Variants in DGKB observed in about 807,000 individuals in gnomAD.
DGKB encodes diacylglycerol kinase beta, also known as 90 kDa diacylglycerol kinase.
Under a neutral mutation model 114.3 loss-of-function variants are expected in DGKB, and 67 were observed. The observed-to-expected ratio is 0.59, with a 90% CI of 0.48 to 0.72. The LOEUF (loss-of-function observed/expected upper bound fraction) is 0.72. DGKB is among the 30% of genes least tolerant of loss of function. DGKB has a pLI of 0.00. For synonymous variants in DGKB, 398 were observed against 323.1 expected (o/e 1.23, Z -2.49); for missense variants, 907 against 975.2 (o/e 0.93, Z 0.93).
chr7:14,338,551 C>T lies in DGKB; in HGVS notation c.2086G>A (p.Val696Ile), dbSNP rs1424437545. ...EKKGSDKRTT[V>I]TDAKELKFAS... Reference sequence around the variant, plus strand: ...AACTTCAACTCTTTGGCATCTGTGACGGTGGTCCTTTTGTCAGACCCTTTT... The same window carrying T: ...AACTTCAACTCTTTGGCATCTGTGATGGTGGTCCTTTTGTCAGACCCTTTT... The change falls in exon 23 of 26, where the codon GTC becomes ATC. Residue 696 changes from valine to isoleucine, a missense_variant. By Grantham distance (29) the Val-to-Ile change is conservative. Transcript: ENST00000402815. The T allele has an allele frequency of 1.3e-6, 2 of 1,593,548 alleles. No homozygotes were observed. Among genetic ancestry groups the T allele is most frequent in the Admixed American group, 1.8e-5 (1 of 56,800 alleles).
chr7:14,698,466 A>C (rs1268850512), intron 7 of DGKB, among the ~76,000 whole-genome samples: 3 of 152,146 alleles, frequency 2.0e-5, no homozygotes, highest in African/African-American at 7.2e-5. Context: ...AGCAGGACCA[A>C]ATACATACTG....
chr7:14,523,779 G>GA (rs1264466715), intron 20 of DGKB, among the ~76,000 whole-genome samples: 1 of 152,110 alleles, frequency 6.6e-6, no homozygotes, highest in African/African-American at 2.4e-5. Context: ...TGTTGTAGTA[G>GA]AAAGAGCTTA....
rs1247769839 is a variant in DGKB at position 14,449,846 on chromosome 7, A to G, written c.1835+28315T>C. The stretch of plus-strand genomic sequence containing the variant: ...CATTGTCTCTTGTATCAAAATGTTC[A>G]GCCAACCCAGTTAGGTATTCTGATT... On this transcript the variant is annotated intron_variant, in intron 21 of 25. Transcript: ENST00000402815. Among the ~76,000 whole-genome samples the G allele has an allele frequency of 2.6e-5, 4 of 152,224 alleles. No homozygotes were observed. The East Asian group carries it at 7.7e-4, about 29-fold the overall frequency.
chr7:14,797,843 G>A (rs1841614069), intron 2 of DGKB, among the ~76,000 whole-genome samples: 1 of 152,046 alleles, frequency 6.6e-6, no homozygotes, highest in Non-Finnish European at 1.5e-5. Flanking sequence ...AGGAAGGAGG[G>A]TTACAGCTAT....
intron 1 of DGKB, among the ~76,000 whole-genome samples, chr7:14,918,563 T>C (rs1784351822): frequency 6.6e-6 from 1 of 152,060 alleles, no homozygotes; most frequent in South Asian, 2.1e-4. Context: ...ACAAAATATA[T>C]ACAGGATGTA....
chr7:14,916,154 T>G (rs181626011), intron 1 of DGKB, among the ~76,000 whole-genome samples: 30 of 152,062 alleles, frequency 2.0e-4, no homozygotes, highest in African/African-American at 6.7e-4. Flanking sequence ...TAGCTGCCAA[T>G]ACATATTGCA....
chr7:14,847,580 T>A (rs1848811489), intron 1 of DGKB, among the ~76,000 whole-genome samples: 1 of 152,364 alleles, frequency 6.6e-6, no homozygotes, highest in African/African-American at 2.4e-5. Context: ...GGGGATGTAG[T>A]GTTATGCTAA....
At chr7:14,182,338 ATC>A (rs1782752420) in intron 23 of DGKB, among the ~76,000 whole-genome samples, 1 of 142,828 alleles carries the variant, frequency 7.0e-6, no homozygotes, top group Non-Finnish European at 1.5e-5. Flanking sequence ...AAGCATATAT[ATC>A]TCTAAATCAA....
intron 5 of DGKB, among the ~76,000 whole-genome samples, chr7:14,723,770 C>G (rs1206906070): frequency 6.6e-6 from 1 of 152,114 alleles, no homozygotes; most frequent in African/African-American, 2.4e-5. Context: ...CATACACATT[C>G]TTTTCTTCAA....
At chr7:14,173,940 T>C (rs1290273767) in intron 25 of DGKB, among the ~76,000 whole-genome samples, 2 of 152,196 alleles carry the variant, frequency 1.3e-5, no homozygotes, top group Non-Finnish European at 1.5e-5. Context: ...TAAGTCATGA[T>C]AGTTAACAGG....
chr7:14,379,055 A>G (rs1207484825), intron 21 of DGKB, among the ~76,000 whole-genome samples: 1 of 136,492 alleles, frequency 7.3e-6, no homozygotes, highest in Non-Finnish European at 1.6e-5. Flanking sequence ...TTTTTTTTTC[A>G]GTTTTTACCA....
intron 15 of DGKB, among the ~76,000 whole-genome samples, chr7:14,616,624 T>C (rs1332749967): frequency 5.9e-5 from 9 of 151,798 alleles, no homozygotes; most frequent in African/African-American, 9.7e-5. Context: ...TACATATATT[T>C]ATACAGCATT....
intron 23 of DGKB, among the ~76,000 whole-genome samples, chr7:14,213,970 C>T (rs563433645): frequency 1.3e-3 from 203 of 151,880 alleles, no homozygotes; most frequent in Non-Finnish European, 2.3e-3. Flanking sequence ...TTACATGTTG[C>T]GTTCTCTCTC....
At chr7:14,944,474 G>A (rs1042185212) in intron 1 of DGKB, among the ~76,000 whole-genome samples, 8 of 151,862 alleles carry the variant, frequency 5.3e-5, no homozygotes, top group Admixed American at 4.6e-4. Flanking sequence ...AATCACATTT[G>A]CCTTTACAAT....
chr7:14,630,250 C>G lies in DGKB; in HGVS notation c.1153G>C (p.Val385Leu). 2 of 1,559,114 alleles carry G rather than the reference C, an allele frequency of 1.3e-6. No homozygotes were observed. Among genetic ancestry groups the G allele is most frequent in the South Asian group, 1.2e-5 (1 of 83,306 alleles). The change falls in exon 14 of 26, where the codon GTT becomes CTT. Residue 385 changes from valine (V) to leucine (L), a missense_variant. Around this residue, in one of 3 missense-constraint regions of DGKB, gnomAD observed 814 missense variants for 856.6 expected, o/e 0.95. Coordinates refer to ENST00000402815, the MANE Select transcript of DGKB (RefSeq NM_001350709.2). The stretch of plus-strand genomic sequence containing the variant: ...TGCTTACGCACCTCAGGAACTGAAA[C>G]TCCTGAAGTGGGCAGAGTCTGCTGA... The part of the protein sequence containing the change: ...PVVLTLPTSG[V>L]SVPEERQSTV...
At chr7:14,682,919 C>A (rs949456769) in intron 10 of DGKB, 78 bp from the exon 11 acceptor site, 1 of 987,092 alleles carries the variant, frequency 1.0e-6, no homozygotes, top group African/African-American at 1.6e-5. Flanking sequence ...ATGACATTAA[C>A]AGAACCTCAT....
chr7:14,639,797 A>T (rs1344576722), intron 13 of DGKB, among the ~76,000 whole-genome samples: 1 of 152,102 alleles, frequency 6.6e-6, no homozygotes, highest in Non-Finnish European at 1.5e-5. Context: ...TTCTCCCTCC[A>T]TAAATCACAC....
At chr7:14,474,075 A>T (rs1204551320) in intron 21 of DGKB, among the ~76,000 whole-genome samples, 5 of 152,158 alleles carry the variant, frequency 3.3e-5, no homozygotes, top group African/African-American at 1.2e-4. Flanking sequence ...ATATGAGGAC[A>T]TGAGATTTGG....
intron 23 of DGKB, among the ~76,000 whole-genome samples, chr7:14,223,741 T>C (rs1447805207): frequency 6.6e-6 from 1 of 151,850 alleles, no homozygotes; most frequent in Non-Finnish European, 1.5e-5. Flanking sequence ...TTTATTTTGC[T>C]TTCATTTATG....
Sources: allele counts gnomAD v4.1 joint callset (sites outside exome capture counted in the v4.1 genomes callset), GRCh38; gene constraint gnomAD v4.1.1; regional missense constraint gnomAD v4.1.1; transcripts MANE v1.5; gene names NCBI Gene and HGNC (gene_info 2026-07-23, HGNC 2026-07-21).